Variants in VPS45 observed in about 807,000 individuals in gnomAD.
The protein encoded by VPS45 is vacuolar protein sorting 45 homolog.
In VPS45, 35 loss-of-function variants were observed where a neutral mutation model predicts 75.9. The ratio of observed to expected loss-of-function variants is 0.46; its 90% CI spans 0.35 to 0.61. The LOEUF is 0.61. Among genes scored for constraint, VPS45 ranks in the 20% least tolerant of loss-of-function variants. VPS45 has a pLI of 0.00. For synonymous variants in VPS45, 220 were observed against 238.2 expected (o/e 0.92, Z 0.70); for missense variants, 559 against 685.9 (o/e 0.81, Z 2.07).
At chr1:150,130,198 C>CTTTTTTTTTTTTTTT (rs34302545) in intron 14 of VPS45, among the ~76,000 whole-genome samples, 1 of 86,338 alleles carries the variant, frequency 1.2e-5, no homozygotes, top group Non-Finnish European at 2.0e-5. Flanking sequence ...CACACACACA[C>CTTTTTTTTTTTTTTT]TTTTTTTTTT....
At chr1:150,143,092 C>G (rs1293426349) in intron 14 of VPS45, among the ~76,000 whole-genome samples, 1 of 152,180 alleles carries the variant, frequency 6.6e-6, no homozygotes, top group African/African-American at 2.4e-5. Context: ...CCCTACCTCC[C>G]AAGAAGCTCA....
At chr1:150,130,198 CT>C (rs34302545) in intron 14 of VPS45, among the ~76,000 whole-genome samples, 11 of 86,328 alleles carry the variant, frequency 1.3e-4, no homozygotes, top group African/African-American at 4.5e-4. Flanking sequence ...CACACACACA[CT>C]TTTTTTTTTT....
At chr1:150,111,507 C>T (rs1553807169) in intron 14 of VPS45, among the ~76,000 whole-genome samples, 1 of 152,012 alleles carries the variant, frequency 6.6e-6, no homozygotes, top group African/African-American at 2.4e-5. Context: ...GTAGTGATTA[C>T]AAGAAACTCA....
At chr1:150,081,570 C>A in intron 8 of VPS45, 94 bp downstream of exon 8, 2 of 1,408,934 alleles carry the variant, frequency 1.4e-6, no homozygotes, top group Non-Finnish European at 1.9e-6. Context: ...CATGGGATTT[C>A]ATGTGAAAGG....
intron 14 of VPS45, among the ~76,000 whole-genome samples, chr1:150,122,503 G>A (rs1658287674): frequency 6.6e-6 from 1 of 152,002 alleles, no homozygotes; most frequent in Non-Finnish European, 1.5e-5. Context: ...ATCAATACCT[G>A]GGGCTGTTCC....
At position 150,068,739 on chromosome 1, in the gene VPS45, CA is replaced by C; in HGVS notation, c.205del (p.Ile69PhefsTer33). On this transcript the variant is annotated frameshift_variant, in exon 2 of 15. Transcript: ENST00000644510. LOFTEE classifies it high-confidence loss of function. ...QNREIMKHLK[A>X]ICFLRPTKEN... ...CGAGAGATCATGAAACACCTGAAGG[CA>C]ATTTGTTTTCTTCGACCTACAAAGG... is the stretch of plus-strand genomic sequence containing the variant. 1 of 1,611,818 alleles carries C rather than the reference CA, an allele frequency of 6.2e-7. No individual in the cohort carries two copies. Among genetic ancestry groups the C allele is most frequent in the Non-Finnish European group, 8.5e-7 (1 of 1,178,876 alleles).
intron 14 of VPS45, among the ~76,000 whole-genome samples, chr1:150,132,964 A>G (rs1553812703): frequency 1.3e-5 from 2 of 152,158 alleles, no homozygotes; most frequent in African/African-American, 4.8e-5. Flanking sequence ...TTACTGTTAC[A>G]TTTTGGGGAG....
At chr1:150,106,687 CT>C (rs1657343738) in intron 13 of VPS45, among the ~76,000 whole-genome samples, 1 of 152,182 alleles carries the variant, frequency 6.6e-6, no homozygotes, top group Non-Finnish European at 1.5e-5. Context: ...TCTCTGCCGA[CT>C]TCTTTTCCAC....
intron 14 of VPS45, among the ~76,000 whole-genome samples, chr1:150,139,027 G>A (rs1182698201): frequency 1.3e-5 from 2 of 151,908 alleles, no homozygotes; most frequent in African/African-American, 2.4e-5. Context: ...CACCACTACT[G>A]CTCTGGTCCA....
chr1:150,123,076 A>G (rs1488792302), intron 14 of VPS45, among the ~76,000 whole-genome samples: 1 of 151,924 alleles, frequency 6.6e-6, no homozygotes, highest in African/African-American at 2.4e-5. Flanking sequence ...TGTCTCTACA[A>G]ATGTCCCCAT....
intron 14 of VPS45, among the ~76,000 whole-genome samples, chr1:150,141,023 G>A (rs587710362): frequency 6.6e-6 from 1 of 152,306 alleles, no homozygotes; most frequent in South Asian, 2.1e-4. Context: ...ATGAAACATA[G>A]CAGTGGCTCT....
chr1:150,124,892 A>T (rs1658426660), intron 14 of VPS45, among the ~76,000 whole-genome samples: 1 of 151,598 alleles, frequency 6.6e-6, no homozygotes, highest in African/African-American at 2.4e-5. Context: ...AATGTTTTAG[A>T]ATTTTGTTTA....
chr1:150,132,897 T>C (rs1211841120), intron 14 of VPS45, among the ~76,000 whole-genome samples: 2 of 152,208 alleles, frequency 1.3e-5, no homozygotes, highest in Non-Finnish European at 2.9e-5. Context: ...GTAAAATGCT[T>C]AGAGGTGATC....
intron 13 of VPS45, chr1:150,098,867 G>A (rs782267858): frequency 1.6e-6 from 2 of 1,275,058 alleles, no homozygotes; most frequent in South Asian, 2.6e-5. Flanking sequence ...TCTTGTCTCT[G>A]ATAAAGGCAA....
intron 14 of VPS45, among the ~76,000 whole-genome samples, chr1:150,136,420 T>G (rs1659100737): frequency 6.6e-6 from 1 of 151,586 alleles, no homozygotes; most frequent in Non-Finnish European, 1.5e-5. Context: ...CTGGGCATGG[T>G]GGTGGACTCC....
In VPS45 at chr1:150,144,787, CAGA is replaced by C; in HGVS notation, c.1708_1710del (p.Arg570del). 1 of 1,614,156 alleles carries C rather than the reference CAGA, an allele frequency of 6.2e-7. No homozygotes were observed. Among genetic ancestry groups the C allele is most frequent in the Non-Finnish European group, 8.5e-7 (1 of 1,180,034 alleles). On this transcript the variant is annotated inframe_deletion, in exon 15 of 15. Coordinates refer to ENST00000644510, the MANE Select transcript of VPS45 (RefSeq NM_007259.5). ...CTCAAGTCACATCAAGGTCAGCGAGCAGAAGATGAAACGGTGGTTGGGGGAAGG... is the reference window on the plus strand; with the variant it reads ...CTCAAGTCACATCAAGGTCAGCGAGCAGATGAAACGGTGGTTGGGGGAAGG...
chr1:150,105,513 A>G (rs781918762), intron 13 of VPS45, among the ~76,000 whole-genome samples: 1 of 152,158 alleles, frequency 6.6e-6, no homozygotes, highest in South Asian at 2.1e-4. Context: ...GCTCAGTCCC[A>G]TTTACAAGAG....
At chr1:150,137,089 G>A (rs1319739699) in intron 14 of VPS45, among the ~76,000 whole-genome samples, 3 of 152,028 alleles carry the variant, frequency 2.0e-5, no homozygotes, top group Middle Eastern at 3.4e-3. Context: ...TTGTAGAGAC[G>A]GGGATTCACC....
At chr1:150,117,915 A>T (rs2101623345) in intron 14 of VPS45, among the ~76,000 whole-genome samples, 1 of 152,082 alleles carries the variant, frequency 6.6e-6, no homozygotes, top group East Asian at 1.9e-4. Context: ...AAGATTTTTT[A>T]TATGTCTTTG....
Sources: gnomAD v4.1 joint callset for allele counts (sites outside exome capture counted in the v4.1 genomes callset) on GRCh38, gnomAD v4.1.1 for gene constraint, MANE v1.5 for transcripts, NCBI Gene and HGNC (gene_info 2026-07-23, HGNC 2026-07-21) for gene names.